The following CTSS variants were observed in gnomAD, a reference collection of about 807,000 sequenced individuals.
CTSS encodes the protein cathepsin S.
In CTSS, 15 loss-of-function variants were observed where a neutral mutation model predicts 39.9. The observed-to-expected ratio is 0.38, with a 90% CI of 0.25 to 0.58. CTSS has a LOEUF of 0.58. Among genes scored for constraint, CTSS ranks in the 20% least tolerant of loss-of-function variants. The probability of loss-of-function intolerance (pLI) is 0.70; values close to 1 mark genes in which losing one functional copy is unlikely to be tolerated. For missense variants in CTSS, 250 were observed against 398.2 expected, an observed-to-expected ratio of 0.63 and a Z score of 3.17; for synonymous variants, 126 against 138.2, an observed-to-expected ratio of 0.91 and a Z score of 0.62.
intron 6 of CTSS, among the ~76,000 whole-genome samples, chr1:150,748,618 T>C (rs761827314): frequency 3.9e-5 from 6 of 152,118 alleles, no homozygotes; most frequent in African/African-American, 1.4e-4. Context: ...TTTTGCTCTG[T>C]TGTCTAGGCT....
chr1:150,753,789 A>C (rs970342075), intron 4 of CTSS, among the ~76,000 whole-genome samples: 1 of 151,988 alleles, frequency 6.6e-6, no homozygotes, highest in Non-Finnish European at 1.5e-5. Context: ...TCTCTGCTAA[A>C]AATACAAAGA....
rs1652543274 is a variant in CTSS at position 150,732,392 on chromosome 1, A to G, written c.*654T>C. The G allele has an allele frequency of 6.6e-6, 1 of 152,216 alleles. No homozygotes were observed. Among genetic ancestry groups the G allele is most frequent in the Non-Finnish European group, 1.5e-5 (1 of 68,040 alleles). 9.4% of individuals were successfully genotyped at this position (152,216 alleles called of 1,614,324 possible). On this transcript the variant is annotated 3_prime_UTR_variant, in exon 8 of 8. Coordinates refer to ENST00000368985, the MANE Select transcript of CTSS (RefSeq NM_004079.5). ...TATGTGGCAATGATAGAAATTTGAA[A>G]TGGCAGATTTATTAAGTATTTTTAA...
chr1:150,747,251 G>C (rs1300521860), intron 7 of CTSS, among the ~76,000 whole-genome samples: 1 of 152,090 alleles, frequency 6.6e-6, no homozygotes, highest in Non-Finnish European at 1.5e-5. Flanking sequence ...GAACAGTATG[G>C]GGGAGAGAGT....
At chr1:150,749,835 G>A (rs377511536) in intron 6 of CTSS, among the ~76,000 whole-genome samples, 171 bp downstream of exon 6, 26 of 151,220 alleles carry the variant, frequency 1.7e-4, no homozygotes, top group African/African-American at 2.7e-4. Context: ...TTTATTTTTC[G>A]TAGAGATAAG....
intron 2 of CTSS, among the ~76,000 whole-genome samples, chr1:150,759,939 A>G (rs1389919440): frequency 1.3e-5 from 2 of 152,144 alleles, no homozygotes; most frequent in Non-Finnish European, 2.9e-5. Context: ...AGTAATGGAC[A>G]TAATGGGCAT....
In CTSS at chr1:150,751,772, A is replaced by G. The variant is rs16840587; in HGVS notation, c.627+9T>C. The G allele has an allele frequency of 6.2e-7, 1 of 1,613,350 alleles. No homozygotes were observed. The highest frequency in any genetic ancestry group is 1.1e-5 in the South Asian group (1 of 91,066). The stretch of plus-strand genomic sequence containing the variant: ...ATGGGGCAGCACAAAAAGTTTGCTT[A>G]AGACGCACCATGGCTTTGTAGGGAT... On this transcript the variant is annotated intron_variant, in intron 5 of 7. Coordinates refer to ENST00000368985, the MANE Select transcript of CTSS (RefSeq NM_004079.5).
At position 150,764,771 on chromosome 1, in the gene CTSS, A is replaced by G; in HGVS notation, c.-1-7T>C. The stretch of plus-strand genomic sequence containing the variant: ...ACAAACCAGCCGTTTCATTCTGTGT[A>G]AGGAAAGGTAACATAGGAAGTGTTG... On this transcript the variant is annotated splice_polypyrimidine_tract_variant and splice_region_variant and intron_variant, in intron 1 of 7. Coordinates refer to ENST00000368985, the MANE Select transcript of CTSS (RefSeq NM_004079.5). 6.2e-7 allele frequency: 1 copy of G among 1,613,560 alleles called. No homozygotes were observed. The highest frequency in any genetic ancestry group is 8.5e-7 in the Non-Finnish European group (1 of 1,179,600).
chr1:150,751,721 A>C (rs1653010375), intron 5 of CTSS, 60 bp downstream of exon 5: 1 of 1,471,680 alleles, frequency 6.8e-7, no homozygotes, highest in Non-Finnish European at 9.5e-7. Context: ...AGCCCAGCAC[A>C]GTCAGTCAGT....
intron 7 of CTSS, among the ~76,000 whole-genome samples, chr1:150,744,579 A>G (rs1421405403): frequency 9.4e-6 from 1 of 106,292 alleles, no homozygotes; most frequent in African/African-American, 3.1e-5. Flanking sequence ...TACATAATAT[A>G]TTATATATTA....
chr1:150,758,011 A>G, intron 2 of CTSS, 31 bp from the exon 3 acceptor site: 1 of 1,602,416 alleles, frequency 6.2e-7, no homozygotes, highest in African/African-American at 1.3e-5. Context: ...ACATAGTCAT[A>G]CTGCATCCTG....
At chr1:150,738,125 G>A (rs137957459) in intron 7 of CTSS, among the ~76,000 whole-genome samples, 3 of 152,164 alleles carry the variant, frequency 2.0e-5, no homozygotes, top group African/African-American at 7.2e-5. Context: ...GCTTTAAAAA[G>A]ATAATTCTGG....
intron 2 of CTSS, among the ~76,000 whole-genome samples, chr1:150,760,595 T>C (rs968140627): frequency 7.2e-5 from 11 of 152,312 alleles, no homozygotes; most frequent in South Asian, 2.1e-4. Context: ...CATGATCATA[T>C]AGAAAGTCTT....
rs1377279282 is a variant in CTSS, at chr1:150,730,207, ATTTATTTAATATAAGT to A, written c.*2823_*2838del. The A allele has an allele frequency of 1.3e-5, 2 of 152,146 alleles. No homozygotes were observed. Among genetic ancestry groups the A allele is most frequent in the African/African-American group, 4.8e-5 (2 of 41,420 alleles). 9.4% of individuals were successfully genotyped at this position (152,146 alleles called of 1,614,324 possible). On this transcript the variant is annotated 3_prime_UTR_variant, in exon 8 of 8. Coordinates refer to ENST00000368985, the MANE Select transcript of CTSS (RefSeq NM_004079.5). ...AGATTAGCAAGAGAAAAGCATGCACATTTATTTAATATAAGTTTTACACGACACGAGGGGCTCCATA... is the reference window on the plus strand; with the variant it reads ...AGATTAGCAAGAGAAAAGCATGCACATTTACACGACACGAGGGGCTCCATA...
intron 7 of CTSS, among the ~76,000 whole-genome samples, chr1:150,734,448 C>CA (rs1434484786): frequency 3.3e-5 from 5 of 151,894 alleles, no homozygotes; most frequent in African/African-American, 1.2e-4. Flanking sequence ...CGAGACCAGC[C>CA]TGATCAACAT....
At chr1:150,745,090 C>T (rs773795218) in intron 7 of CTSS, among the ~76,000 whole-genome samples, 2 of 152,100 alleles carry the variant, frequency 1.3e-5, no homozygotes, top group Non-Finnish European at 2.9e-5. Flanking sequence ...CTACTTTCCC[C>T]ATGGGCCATA....
chr1:150,764,458 G>A (rs1024041271), intron 2 of CTSS, among the ~76,000 whole-genome samples, 180 bp downstream of exon 2: 1 of 152,014 alleles, frequency 6.6e-6, no homozygotes, highest in Non-Finnish European at 1.5e-5. Flanking sequence ...GGCTGGTCTC[G>A]AACTCCTGAC....
At chr1:150,740,427 C>A (rs587682103) in intron 7 of CTSS, among the ~76,000 whole-genome samples, 2 of 151,882 alleles carry the variant, frequency 1.3e-5, no homozygotes, top group Non-Finnish European at 2.9e-5. Flanking sequence ...TCTGTCACCC[C>A]GGCTGGAGTG....
chr1:150,757,823 A>G, intron 3 of CTSS, 35 bp downstream of exon 3: 1 of 1,601,402 alleles, frequency 6.2e-7, no homozygotes, highest in Non-Finnish European at 8.5e-7. Flanking sequence ...ATATTTACCC[A>G]GACGTGAAAG....
chr1:150,733,125 T>G lies in CTSS; in HGVS notation c.917A>C (p.Glu306Ala). 6.2e-7 allele frequency: 1 copy of G among 1,613,236 alleles called. No individual in the cohort carries two copies. The highest frequency in any genetic ancestry group is 8.5e-7 in the Non-Finnish European group (1 of 1,179,556). The change falls in exon 8 of 8, where the codon GAA (glutamate) becomes GCA (alanine). Residue 306 changes from glutamate (E) to alanine (A), a missense_variant. Coordinates refer to ENST00000368985, the MANE Select transcript of CTSS (RefSeq NM_004079.5). Reference protein sequence around the residue: ...VKNSWGHNFGEEGYIRMARNK... With the variant: ...VKNSWGHNFGAEGYIRMARNK... ...TCTTGCCATCCGAATATATCCTTCTTCACCAAAGTTGTGGCCCCAGCTTTA... is the reference window on the plus strand; with the variant it reads ...TCTTGCCATCCGAATATATCCTTCTGCACCAAAGTTGTGGCCCCAGCTTTA...
Sources: allele counts gnomAD v4.1 joint callset (sites outside exome capture counted in the v4.1 genomes callset), GRCh38; gene constraint gnomAD v4.1.1; transcripts MANE v1.5; gene names NCBI Gene and HGNC (gene_info 2026-07-23, HGNC 2026-07-21).